CYB5R4: variants seen among roughly 807,000 people sequenced by gnomAD.
CYB5R4 encodes cytochrome b5 reductase 4, also known as N-terminal cytochrome b5 and cytochrome b5 oxidoreductase domain-containing protein.
In CYB5R4, 55 loss-of-function variants were observed where a neutral mutation model predicts 70.2. The observed-to-expected ratio is 0.78, with a 90% CI of 0.63 to 0.98. CYB5R4 has a LOEUF of 0.98. Among genes scored for constraint, CYB5R4 ranks in the 50% least tolerant of loss-of-function variants. The pLI, the probability that CYB5R4 is intolerant of heterozygous loss-of-function variation, is 0.00. For missense variants in CYB5R4, 562 were observed against 612.6 expected (o/e 0.92, Z 0.87); for synonymous variants, 197 against 199.5 (o/e 0.99, Z 0.11).
At position 83,934,697 on chromosome 6, in the gene CYB5R4, C is replaced by T; in HGVS notation, c.917C>T (p.Pro306Leu). ...CCACCAAGCACTCATCTTCAAGTGC[C>T]CATTGGGCAACATGTTTACCTCAAG... is the stretch of plus-strand genomic sequence containing the variant. ...MLPPSTHLQV[P>L]IGQHVYLKLP... The change falls in exon 11 of 16, where the codon CCC becomes CTC. Residue 306 changes from proline to leucine, a missense_variant. Pro to Leu is a moderately conservative substitution (Grantham distance 98, BLOSUM62 -3). Coordinates refer to ENST00000369681, the MANE Select transcript of CYB5R4 (RefSeq NM_016230.4). The T allele has an allele frequency of 6.2e-7, 1 of 1,613,504 alleles. No homozygotes were observed. Among genetic ancestry groups the T allele is most frequent in the Non-Finnish European group, 8.5e-7 (1 of 1,179,718 alleles).
chr6:83,890,920 A>G (rs951228295), intron 2 of CYB5R4, among the ~76,000 whole-genome samples: 7 of 152,178 alleles, frequency 4.6e-5, no homozygotes, highest in Non-Finnish European at 8.8e-5. Flanking sequence ...TGCACACTTA[A>G]TAGACAACAA....
At chr6:83,898,603 A>G (rs1311948482) in intron 3 of CYB5R4, among the ~76,000 whole-genome samples, 4 of 152,316 alleles carry the variant, frequency 2.6e-5, no homozygotes, top group East Asian at 1.9e-4. Context: ...CGAGCATGGA[A>G]TGTTCTTCCA....
intron 4 of CYB5R4, among the ~76,000 whole-genome samples, chr6:83,911,547 A>G (rs1299898915): frequency 6.6e-6 from 1 of 152,182 alleles, no homozygotes; most frequent in Non-Finnish European, 1.5e-5. Flanking sequence ...ATTGTAAAAC[A>G]TTCAATTAAT....
intron 10 of CYB5R4, among the ~76,000 whole-genome samples, chr6:83,932,538 C>CT (rs2099468317): frequency 1.3e-5 from 2 of 152,156 alleles, no homozygotes; most frequent in Admixed American, 1.3e-4. Flanking sequence ...AGAGGGTCAC[C>CT]TGCCCTGGGT....
At chr6:83,893,993 C>T (rs1485453096) in intron 3 of CYB5R4, among the ~76,000 whole-genome samples, 1 of 152,148 alleles carries the variant, frequency 6.6e-6, no homozygotes, top group Non-Finnish European at 1.5e-5. Flanking sequence ...AAACAAGTAA[C>T]TTAGCTTCTT....
At position 83,955,339 on chromosome 6, in the gene CYB5R4, G is replaced by A; in HGVS notation, c.1388G>A (p.Trp463Ter). The change falls in exon 15 of 16, where the codon TGG becomes TAG. Residue 463 changes from tryptophan to a stop codon, truncating the protein, a stop_gained. Transcript: ENST00000369681. LOFTEE classifies it high-confidence loss of function. Reference protein sequence around the residue: ...EFVLSAPISEWNGKQGHISPA... With the variant: ...EFVLSAPISE Reference sequence around the variant, plus strand: ...GTTCTCTCAGCACCTATTTCTGAATGGAATGGCAAACAGGGACATATTTCA... The same window carrying A: ...GTTCTCTCAGCACCTATTTCTGAATAGAATGGCAAACAGGGACATATTTCA... 1 of 1,613,712 alleles carries A rather than the reference G, an allele frequency of 6.2e-7. No individual in the cohort carries two copies. Among genetic ancestry groups the A allele is most frequent in the Non-Finnish European group, 8.5e-7 (1 of 1,179,812 alleles).
chr6:83,906,727 G>C (rs1326569957), intron 3 of CYB5R4, among the ~76,000 whole-genome samples: 1 of 152,116 alleles, frequency 6.6e-6, no homozygotes, highest in Non-Finnish European at 1.5e-5. Flanking sequence ...TCACTATCTT[G>C]GTTCTTAGTG....
chr6:83,887,150 T>A (rs532211684), intron 2 of CYB5R4, among the ~76,000 whole-genome samples: 2 of 152,164 alleles, frequency 1.3e-5, no homozygotes, highest in African/African-American at 4.8e-5. Flanking sequence ...CGTTTTTAGG[T>A]AAAAAAATGA....
intron 2 of CYB5R4, among the ~76,000 whole-genome samples, chr6:83,867,539 A>G (rs902482354): frequency 6.6e-6 from 1 of 152,172 alleles, no homozygotes; most frequent in Non-Finnish European, 1.5e-5. Flanking sequence ...AGGGTAAGGA[A>G]AGCATTTATC....
chr6:83,936,971 T>G (rs74966061), intron 12 of CYB5R4, among the ~76,000 whole-genome samples: 3,760 of 152,320 alleles, frequency 0.025, 85 homozygotes, highest in South Asian at 0.086. Flanking sequence ...GTCAAGTACT[T>G]TTTTAAAAAG....
chr6:83,915,370 T>C (rs1217423666), intron 5 of CYB5R4, among the ~76,000 whole-genome samples: 1 of 152,246 alleles, frequency 6.6e-6, no homozygotes, highest in Non-Finnish European at 1.5e-5. Flanking sequence ...AAATAGTCTA[T>C]ATTGTGGACT....
chr6:83,958,603 A>G (rs2099472816), intron 15 of CYB5R4, among the ~76,000 whole-genome samples: 1 of 152,178 alleles, frequency 6.6e-6, no homozygotes, highest in Non-Finnish European at 1.5e-5. Flanking sequence ...CTGGGAGAAC[A>G]GGATGGAATG....
At chr6:83,914,469 TAAATG>T (rs774308072) in intron 5 of CYB5R4, 21 bp downstream of exon 5, 137 of 1,491,630 alleles carry the variant, frequency 9.2e-5, no homozygotes, top group Non-Finnish European at 1.2e-4. Flanking sequence ...AAATTTATAA[TAAATG>T]AATCATATTC....
chr6:83,941,620 C>T (rs2099469777), intron 14 of CYB5R4, among the ~76,000 whole-genome samples: 1 of 152,024 alleles, frequency 6.6e-6, no homozygotes, highest in African/African-American at 2.4e-5. Flanking sequence ...CCCATTTTTC[C>T]CTCCCTGCTG....
chr6:83,900,785 G>A (rs1389591422), intron 3 of CYB5R4, among the ~76,000 whole-genome samples: 1 of 152,064 alleles, frequency 6.6e-6, no homozygotes, highest in Non-Finnish European at 1.5e-5. Context: ...GACTAGGATT[G>A]CAACCCCTGC....
At chr6:83,912,893 T>G (rs2129138394) in intron 4 of CYB5R4, among the ~76,000 whole-genome samples, 1 of 152,176 alleles carries the variant, frequency 6.6e-6, no homozygotes, top group East Asian at 1.9e-4. Context: ...GACTTGGTGG[T>G]GGGGGGGAAC....
intron 2 of CYB5R4, among the ~76,000 whole-genome samples, chr6:83,890,122 GA>G (rs1245915166): frequency 6.6e-6 from 1 of 152,168 alleles, no homozygotes; most frequent in African/African-American, 2.4e-5. Flanking sequence ...TATTATTTAA[GA>G]AATACATTTT....
chr6:83,927,997 TTG>T (rs2099467596), intron 10 of CYB5R4, among the ~76,000 whole-genome samples: 1 of 152,142 alleles, frequency 6.6e-6, no homozygotes, highest in Non-Finnish European at 1.5e-5. Context: ...TTTAAGACAC[TTG>T]TAGTACTTAG....
intron 10 of CYB5R4, among the ~76,000 whole-genome samples, chr6:83,929,051 T>G (rs3778184): frequency 0.2 from 29,720 of 152,124 alleles, 6,226 homozygotes; most frequent in African/African-American, 0.52. Context: ...CAGTGAAGGT[T>G]TTCCACTTTG....
Sources: gnomAD v4.1 joint callset for allele counts (sites outside exome capture counted in the v4.1 genomes callset) on GRCh38, gnomAD v4.1.1 for gene constraint, MANE v1.5 for transcripts, NCBI Gene and HGNC (gene_info 2026-07-23, HGNC 2026-07-21) for gene names.